The following LCOR variants were observed in gnomAD, a reference collection of about 807,000 sequenced individuals.
LCOR encodes the protein ligand dependent nuclear receptor corepressor.
Under a neutral mutation model 64.4 loss-of-function variants are expected in LCOR, and 14 were observed. The ratio of observed to expected loss-of-function variants is 0.22; its 90% confidence interval spans 0.14 to 0.34. LCOR has a LOEUF of 0.34. Ranked by LOEUF, LCOR falls within the 10% of genes least tolerant of loss-of-function variation. LCOR has a pLI of 1.00. For missense variants in LCOR, 1,686 were observed against 1,765.3 expected (o/e 0.96, Z 0.80); for synonymous variants, 643 against 642.5 (o/e 1.00, Z -0.01).
chr10:96,955,830 A>G (rs1318592923), intron 7 of LCOR: 1 of 1,614,066 alleles, frequency 6.2e-7, no homozygotes, highest in Non-Finnish European at 8.5e-7. Flanking sequence ...GATGAAATTA[A>G]TGAGGTCGGA....
At chr10:96,979,599 C>T (rs963271854) in intron 7 of LCOR, among the ~76,000 whole-genome samples, 8 of 152,260 alleles carry the variant, frequency 5.3e-5, no homozygotes, top group East Asian at 1.9e-4. Context: ...TTGAAGATCT[C>T]GGAGAATGTA....
intron 5 of LCOR, among the ~76,000 whole-genome samples, chr10:96,944,981 CTTCATGTTCCT>C (rs1435092297): frequency 6.6e-6 from 1 of 152,022 alleles, no homozygotes; most frequent in Non-Finnish European, 1.5e-5. Context: ...GGAAAGTTCC[CTTCATGTTCCT>C]TTCTAGTGAG....
At chr10:96,889,499 G>A (rs1216642568) in intron 2 of LCOR, among the ~76,000 whole-genome samples, 8 of 152,142 alleles carry the variant, frequency 5.3e-5, no homozygotes, top group African/African-American at 1.4e-4. Context: ...CCACACAGCC[G>A]TTTCTCTGTG....
chr10:96,961,805 C>G (rs1238657906), intron 7 of LCOR: 1 of 151,892 alleles, frequency 6.6e-6, no homozygotes, highest in African/African-American at 2.4e-5. Context: ...TATTTTTACC[C>G]CCTCAGAATG....
At chr10:96,904,793 T>C (rs1846700480) in intron 2 of LCOR, among the ~76,000 whole-genome samples, 1 of 152,170 alleles carries the variant, frequency 6.6e-6, no homozygotes, top group Non-Finnish European at 1.5e-5. Context: ...TCTTCGCTTA[T>C]TTGCCTTTCA....
intron 7 of LCOR, chr10:96,955,710 G>A: frequency 1.2e-6 from 2 of 1,614,030 alleles, no homozygotes; most frequent in Non-Finnish European, 1.7e-6. Context: ...GGTTATGAGT[G>A]GAAAAATGAG....
At chr10:96,857,635 C>T (rs1179728695) in intron 2 of LCOR, among the ~76,000 whole-genome samples, 1 of 152,156 alleles carries the variant, frequency 6.6e-6, no homozygotes. Flanking sequence ...TTACCCAGGG[C>T]TACTTAGAAA....
At chr10:96,946,301 C>A (rs543886419) in intron 5 of LCOR, among the ~76,000 whole-genome samples, 1 of 151,982 alleles carries the variant, frequency 6.6e-6, no homozygotes, top group South Asian at 2.1e-4. Context: ...TCCCTTGTTT[C>A]AAAGTATTGT....
At position 96,984,699 on chromosome 10, in the gene LCOR, G is replaced by C; in HGVS notation, c.4239G>C (p.Lys1413Asn). ...EGSSPPDSKN[K>N]GPTVKASKEK... Reference sequence around the variant, plus strand: ...GCAGCCCTCCAGATAGTAAGAACAAGGGGCCTACGGTGAAAGCCAGCAAAG... The same window carrying C: ...GCAGCCCTCCAGATAGTAAGAACAACGGGCCTACGGTGAAAGCCAGCAAAG... Residue 1413 changes from lysine to asparagine, a missense_variant, in exon 8 of 8, where the codon AAG becomes AAC. Physicochemically the swap from Lys to Asn is moderately conservative, Grantham distance 94 (BLOSUM62 0). This residue lies in a region of LCOR where 1,293 missense variants were observed against 1,410.4 expected (regional missense o/e 0.92). Transcript: ENST00000421806. 1 of 1,614,052 alleles carries C rather than the reference G, an allele frequency of 6.2e-7. No individual in the cohort carries two copies. The highest frequency in any genetic ancestry group is 1.3e-5 in the African/African-American group (1 of 75,038).
chr10:96,879,313 C>G (rs1390502135), intron 2 of LCOR, among the ~76,000 whole-genome samples: 2 of 152,186 alleles, frequency 1.3e-5, no homozygotes, highest in Admixed American at 1.3e-4. Flanking sequence ...CCTTGAACCT[C>G]AGTGCTTCAA....
chr10:96,892,118 C>T (rs1252771157), intron 2 of LCOR, among the ~76,000 whole-genome samples: 5 of 152,032 alleles, frequency 3.3e-5, no homozygotes, highest in East Asian at 1.9e-4. Context: ...AGTTGCCTAA[C>T]GGTGTTGTTT....
At chr10:96,838,436 T>C (rs1481025129) in intron 2 of LCOR, among the ~76,000 whole-genome samples, 3 of 152,170 alleles carry the variant, frequency 2.0e-5, no homozygotes, top group Non-Finnish European at 2.9e-5. Context: ...AACATTTTTA[T>C]TTCCTAAAAA....
chr10:96,941,374 C>T lies in LCOR; in HGVS notation c.-183-2739C>T, dbSNP rs1481623840. 1.2e-4 allele frequency among the ~76,000 whole-genome samples: 17 copies of T among 141,698 alleles called. No individual in the cohort carries two copies. In the East Asian group the frequency reaches 3.3e-3, roughly 27 times the overall value. The allele number at this position is 141,698 out of a possible 152,430, so 93.0% of individuals were successfully genotyped here. A position where few individuals can be genotyped will look rare whatever the true frequency, so the allele number is the denominator to read the frequency against. ...AGTAGGGGCGGCCGGGCAGAGGCGC[C>T]CCTCACCTCCCGGACTGGGCGGCTG... is the stretch of plus-strand genomic sequence containing the variant. On this transcript the variant is annotated intron_variant, in intron 4 of 7. Transcript: ENST00000421806.
chr10:96,896,449 A>G (rs1846538749), intron 2 of LCOR, among the ~76,000 whole-genome samples: 1 of 151,922 alleles, frequency 6.6e-6, no homozygotes, highest in Non-Finnish European at 1.5e-5. Context: ...TTTGAGACAG[A>G]TTCTTGCTGT....
At chr10:96,966,642 T>C (rs1847954013) in intron 7 of LCOR, among the ~76,000 whole-genome samples, 2 of 152,228 alleles carry the variant, frequency 1.3e-5, no homozygotes, top group South Asian at 2.1e-4. Flanking sequence ...TTAAGTAATA[T>C]AGTAGATAAG....
At chr10:96,941,319 G>A (rs1307683378) in intron 4 of LCOR, among the ~76,000 whole-genome samples, 3 of 139,204 alleles carry the variant, frequency 2.2e-5, no homozygotes, top group Non-Finnish European at 3.2e-5. Flanking sequence ...GGACGGGGCG[G>A]CTGGCCGGGC....
intron 2 of LCOR, among the ~76,000 whole-genome samples, chr10:96,895,390 T>C (rs1846519315): frequency 6.6e-6 from 1 of 152,178 alleles, no homozygotes; most frequent in South Asian, 2.1e-4. Context: ...ATGTATACCC[T>C]CTATGGGGTC....
At chr10:96,905,903 A>G (rs1771455138) in intron 2 of LCOR, among the ~76,000 whole-genome samples, 1 of 152,174 alleles carries the variant, frequency 6.6e-6, no homozygotes, top group Non-Finnish European at 1.5e-5. Flanking sequence ...ACTGAAAATT[A>G]TGGCTTAATA....
chr10:96,926,949 G>C (rs1847179021), intron 4 of LCOR, among the ~76,000 whole-genome samples: 1 of 151,928 alleles, frequency 6.6e-6, no homozygotes, highest in Non-Finnish European at 1.5e-5. Context: ...ATGGACTTTT[G>C]AGTTGTTTCC....
Sources: allele counts gnomAD v4.1 joint callset (sites outside exome capture counted in the v4.1 genomes callset), GRCh38; gene constraint gnomAD v4.1.1; regional missense constraint gnomAD v4.1.1; transcripts MANE v1.5; gene names NCBI Gene and HGNC (gene_info 2026-07-23, HGNC 2026-07-21).